DPP6: variants seen among roughly 807,000 people sequenced by gnomAD.
DPP6 encodes A-type potassium channel modulatory protein DPP6.
In DPP6, 69 loss-of-function variants were observed where a neutral mutation model predicts 122.6. That is an observed-to-expected ratio of 0.56 (90% CI 0.46 to 0.69). The LOEUF is 0.69. Ranked by LOEUF, DPP6 falls within the 30% of genes least tolerant of loss-of-function variation. DPP6 has a pLI of 0.00. For synonymous variants in DPP6, 418 were observed against 433.1 expected, an observed-to-expected ratio of 0.97 and a Z score of 0.43; for missense variants, 928 against 1,116.9, an observed-to-expected ratio of 0.83 and a Z score of 2.41.
intron 7 of DPP6, among the ~76,000 whole-genome samples, chr7:154,669,798 G>T (rs982721457): frequency 2.0e-5 from 3 of 151,996 alleles, no homozygotes; most frequent in Admixed American, 2.0e-4. Flanking sequence ...GAATGATTTT[G>T]TCATCTAAAG....
intron 1 of DPP6, among the ~76,000 whole-genome samples, chr7:153,919,091 G>C (rs1287569404): frequency 6.6e-6 from 1 of 151,928 alleles, no homozygotes; most frequent in Non-Finnish European, 1.5e-5. Flanking sequence ...ATTCAAAACA[G>C]TTGAATGCAT....
chr7:154,497,179 A>G (rs1244108312), intron 3 of DPP6, among the ~76,000 whole-genome samples: 1 of 152,194 alleles, frequency 6.6e-6, no homozygotes, highest in Non-Finnish European at 1.5e-5. Flanking sequence ...CTGACAGACT[A>G]AAAAACTAAA....
At chr7:154,270,562 A>G (rs1396878919) in intron 1 of DPP6, among the ~76,000 whole-genome samples, 3 of 152,148 alleles carry the variant, frequency 2.0e-5, no homozygotes, top group Non-Finnish European at 4.4e-5. Context: ...GCTCAGGTCT[A>G]AGGCTGAAAT....
intron 1 of DPP6, among the ~76,000 whole-genome samples, chr7:154,338,614 A>C (rs1287808872): frequency 1.3e-5 from 2 of 152,176 alleles, no homozygotes; most frequent in Non-Finnish European, 2.9e-5. Flanking sequence ...GTTTTGAAAG[A>C]GTGTGCTCGG....
intron 1 of DPP6, among the ~76,000 whole-genome samples, chr7:154,059,796 G>T (rs1272380928): frequency 1.3e-5 from 2 of 151,278 alleles, no homozygotes; most frequent in African/African-American, 2.5e-5. Flanking sequence ...CAAACTGTGG[G>T]GCCCTGGCTG....
rs189080833 is a variant in DPP6 at position 154,012,746 on chromosome 7, A to G, written c.51+125012A>G. Among the ~76,000 whole-genome samples the G allele has an allele frequency of 5.3e-4, 80 of 152,164 alleles. 1 individual carries two copies. The highest frequency in any genetic ancestry group is 4.5e-3 in the Admixed American group (69 of 15,290). Reference sequence around the variant, plus strand: ...TACTGAAACCATCATCTCTTGGTCTATTTCTATGGAGTTATTTTTTCCTAG... The same window carrying G: ...TACTGAAACCATCATCTCTTGGTCTGTTTCTATGGAGTTATTTTTTCCTAG... On this transcript the variant is annotated intron_variant, in intron 1 of 25. Coordinates refer to the DPP6 transcript ENST00000404039.
chr7:154,386,211 T>C (rs1402375476), intron 1 of DPP6, among the ~76,000 whole-genome samples: 1 of 152,160 alleles, frequency 6.6e-6, no homozygotes, highest in South Asian at 2.1e-4. Flanking sequence ...GTAGGTTTTA[T>C]CTTGTTGCAA....
chr7:154,382,339 C>T (rs1418003611), intron 1 of DPP6, among the ~76,000 whole-genome samples: 1 of 152,140 alleles, frequency 6.6e-6, no homozygotes, highest in African/African-American at 2.4e-5. Context: ...CTTGCGCCAC[C>T]ACAGGGCATC....
At chr7:154,012,989 T>C (rs1386265849) in intron 1 of DPP6, among the ~76,000 whole-genome samples, 5 of 152,144 alleles carry the variant, frequency 3.3e-5, no homozygotes, top group African/African-American at 1.2e-4. Context: ...GGATCAGACA[T>C]CTGGTCATCA....
At position 154,222,641 on chromosome 7, in the gene DPP6, G is replaced by A. The variant is rs748145140; in HGVS notation, c.243+169578G>A. 1.6e-4 allele frequency among the ~76,000 whole-genome samples: 24 copies of A among 149,286 alleles called. 1 individual carries two copies. The highest frequency in any genetic ancestry group is 3.1e-4 in the Non-Finnish European group (21 of 67,964). ...TTGTACTCCAGCCTGGGCAACAAGAGTGAAACTCTGTCTCAAAAATAAATA... is the reference window on the plus strand; with the variant it reads ...TTGTACTCCAGCCTGGGCAACAAGAATGAAACTCTGTCTCAAAAATAAATA... On this transcript the variant is annotated intron_variant, in intron 1 of 25. Transcript: ENST00000377770.
At chr7:154,723,742 T>C (rs760555368) in intron 7 of DPP6, among the ~76,000 whole-genome samples, 39 of 152,228 alleles carry the variant, frequency 2.6e-4, no homozygotes, top group Non-Finnish European at 1.0e-4. Context: ...ATTTCCTGTA[T>C]TATGCAAAAT....
chr7:153,990,249 C>T (rs1337560926), intron 1 of DPP6, among the ~76,000 whole-genome samples: 1 of 108,928 alleles, frequency 9.2e-6, no homozygotes, highest in Non-Finnish European at 1.8e-5. Flanking sequence ...CTCAGGCAGC[C>T]CCACCTGCTT....
chr7:153,912,580 A>C (rs985934128), intron 1 of DPP6, among the ~76,000 whole-genome samples: 2 of 152,194 alleles, frequency 1.3e-5, no homozygotes, highest in African/African-American at 4.8e-5. Flanking sequence ...AGAGGAAAGC[A>C]ATGGAGGTAG....
chr7:154,802,228 T>C (rs1372811371), intron 13 of DPP6, among the ~76,000 whole-genome samples: 1 of 152,036 alleles, frequency 6.6e-6, no homozygotes, highest in Non-Finnish European at 1.5e-5. Flanking sequence ...AAAATGTTAA[T>C]CACAAATATT....
Position 154,151,437 on chromosome 7 carries a change from C to T in DPP6, c.243+98374C>T, listed in dbSNP as rs539934124. 1.1e-4 allele frequency among the ~76,000 whole-genome samples: 17 copies of T among 152,286 alleles called. No homozygotes were observed. In the South Asian group the frequency reaches 3.3e-3, roughly 30 times the overall value. ...CCTGTGACCAGCAATACTGTCACTT[C>T]TTAGAAAACATTTTGGTCTCGACAC... On this transcript the variant is annotated intron_variant, in intron 1 of 25. Coordinates refer to ENST00000377770, the MANE Select transcript of DPP6 (RefSeq NM_130797.4).
At chr7:153,940,356 A>T (rs1414255467) in intron 1 of DPP6, among the ~76,000 whole-genome samples, 1 of 152,132 alleles carries the variant, frequency 6.6e-6, no homozygotes, top group Admixed American at 6.5e-5. Flanking sequence ...ACACGCCGCA[A>T]CTTAAGTGTT....
At chr7:154,892,076 G>A (rs1806658808) in intron 25 of DPP6, among the ~76,000 whole-genome samples, 2 of 152,200 alleles carry the variant, frequency 1.3e-5, no homozygotes, top group Admixed American at 6.5e-5. Context: ...GGTGGTGTTT[G>A]AAGGCTGGTT....
chr7:154,228,060 T>G (rs1035364165), intron 1 of DPP6, among the ~76,000 whole-genome samples: 1 of 152,214 alleles, frequency 6.6e-6, no homozygotes, highest in Non-Finnish European at 1.5e-5. Context: ...TAAAAGATAC[T>G]GTTATAAACT....
the DPP6 span, among the ~76,000 whole-genome samples, chr7:153,773,878 A>G: frequency 6.6e-6 from 1 of 151,532 alleles, no homozygotes; most frequent in African/African-American, 2.4e-5. Flanking sequence ...AAAAAAAGAA[A>G]ATAAAAAAAT....
Sources: gnomAD v4.1 joint callset for allele counts (sites outside exome capture counted in the v4.1 genomes callset) on GRCh38, gnomAD v4.1.1 for gene constraint, MANE v1.5 for transcripts, NCBI Gene and HGNC (gene_info 2026-07-23, HGNC 2026-07-21) for gene names.